TMEM132B: variants seen among roughly 807,000 people sequenced by gnomAD.
TMEM132B encodes transmembrane protein 132B.
In TMEM132B, 18 loss-of-function variants were observed where a neutral mutation model predicts 90.8. That is an observed-to-expected ratio of 0.20 (90% CI 0.14 to 0.29). TMEM132B has a LOEUF of 0.29. Among genes scored for constraint, TMEM132B ranks in the 10% least tolerant of loss-of-function variants. The probability of loss-of-function intolerance (pLI) is 1.00; values close to 1 mark genes in which losing one functional copy is unlikely to be tolerated. For synonymous variants in TMEM132B, 504 were observed against 523.3 expected (o/e 0.96, Z 0.50); for missense variants, 1,096 against 1,326.8 (o/e 0.83, Z 2.70).
intron 1 of TMEM132B, among the ~76,000 whole-genome samples, chr12:125,222,872 G>A (rs1356884573): frequency 6.6e-6 from 1 of 152,142 alleles, no homozygotes; most frequent in Non-Finnish European, 1.5e-5. Context: ...AGAACTCAAT[G>A]GTCTAGGGTA....
intron 4 of TMEM132B, among the ~76,000 whole-genome samples, chr12:125,530,729 C>T (rs1482863429): frequency 6.6e-6 from 1 of 152,210 alleles, no homozygotes; most frequent in Admixed American, 6.5e-5. Context: ...TTTGTCATCA[C>T]ATAAGCTGTG....
At chr12:125,350,459 C>T (rs1441966740) in intron 2 of TMEM132B, 116 bp downstream of exon 2, 1 of 1,260,390 alleles carries the variant, frequency 7.9e-7, no homozygotes, top group African/African-American at 1.5e-5. Flanking sequence ...ATGAATACAG[C>T]TGGTCATTAA....
chr12:125,565,177 G>A (rs566304988), intron 4 of TMEM132B, among the ~76,000 whole-genome samples: 2 of 152,320 alleles, frequency 1.3e-5, no homozygotes, highest in East Asian at 3.9e-4. Flanking sequence ...TGACCGAGCA[G>A]GATTTGCACC....
At chr12:125,298,996 G>C (rs916859465) in intron 1 of TMEM132B, among the ~76,000 whole-genome samples, 4 of 152,006 alleles carry the variant, frequency 2.6e-5, no homozygotes, top group African/African-American at 9.7e-5. Context: ...GCCTCCCAAA[G>C]TGCTGGGATT....
intron 5 of TMEM132B, among the ~76,000 whole-genome samples, chr12:125,603,966 G>A (rs905328907): frequency 1.3e-5 from 2 of 152,180 alleles, no homozygotes; most frequent in Admixed American, 6.5e-5. Context: ...GCGAGGCTGT[G>A]AAGAATTAAG....
intron 3 of TMEM132B, among the ~76,000 whole-genome samples, chr12:125,436,755 G>A (rs902420621): frequency 6.6e-6 from 1 of 152,088 alleles, no homozygotes; most frequent in Admixed American, 6.6e-5. Flanking sequence ...ACTTTGTTAC[G>A]GCAGCCCCAA....
chr12:125,496,846 C>T (rs1413640109), intron 3 of TMEM132B, among the ~76,000 whole-genome samples: 1 of 152,202 alleles, frequency 6.6e-6, no homozygotes. Flanking sequence ...TTAGTGCAGA[C>T]TTTCTTTAGG....
intron 3 of TMEM132B, among the ~76,000 whole-genome samples, chr12:125,451,827 C>G (rs1408479402): frequency 2.0e-5 from 3 of 152,078 alleles, no homozygotes; most frequent in African/African-American, 7.2e-5. Flanking sequence ...TTGCATGTGC[C>G]CAGAGGCACT....
At chr12:125,238,366 C>CAAAAAAAA (rs762032967) in intron 1 of TMEM132B, among the ~76,000 whole-genome samples, 23 of 111,554 alleles carry the variant, frequency 2.1e-4, no homozygotes, top group South Asian at 3.0e-4. Context: ...AAAAAAAAAC[C>CAAAAAAAA]AAAAAAAAAA....
At chr12:125,360,167 G>A (rs77910595) in intron 2 of TMEM132B, among the ~76,000 whole-genome samples, 1,889 of 152,278 alleles carry the variant, frequency 0.012, 44 homozygotes, top group African/African-American at 0.042. Context: ...CCTAGTTCCT[G>A]TCTTTTCCTA....
intron 1 of TMEM132B, among the ~76,000 whole-genome samples, chr12:125,284,516 T>G (rs530551406): frequency 6.6e-6 from 1 of 152,340 alleles, no homozygotes; most frequent in African/African-American, 2.4e-5. Flanking sequence ...CCCCCAGTTC[T>G]GTGCTTTTGT....
chr12:125,262,542 C>T (rs997288560), intron 1 of TMEM132B, among the ~76,000 whole-genome samples: 1 of 152,114 alleles, frequency 6.6e-6, no homozygotes, highest in African/African-American at 2.4e-5. Flanking sequence ...TTAGTTAAGG[C>T]GTGGGCTTGC....
rs1309917881 is a variant in TMEM132B at position 125,492,422 on chromosome 12, A to G, written c.1107-27017A>G. Among the ~76,000 whole-genome samples, 2 of 152,146 alleles carry G rather than the reference A, an allele frequency of 1.3e-5. No homozygotes were observed. The highest frequency in any genetic ancestry group is 2.9e-5 in the Non-Finnish European group (2 of 68,016). On this transcript the variant is annotated intron_variant, in intron 3 of 8. Transcript: ENST00000682704. The surrounding 1 kb of genome is among the most constrained non-coding windows in gnomAD (Gnocchi z 5.8). ...AATTTCCCTCTTGAAACCTGAGGGTAAGGGAAGGGGACTGCACGGCTGCTT... is the reference window on the plus strand; with the variant it reads ...AATTTCCCTCTTGAAACCTGAGGGTGAGGGAAGGGGACTGCACGGCTGCTT...
At chr12:125,244,822 T>C (rs1874171609) in intron 1 of TMEM132B, among the ~76,000 whole-genome samples, 1 of 152,018 alleles carries the variant, frequency 6.6e-6, no homozygotes, top group Non-Finnish European at 1.5e-5. Flanking sequence ...TAGGTGAGAG[T>C]GCTGGTGGCA....
At chr12:125,391,832 T>C (rs1192067406) in intron 2 of TMEM132B, among the ~76,000 whole-genome samples, 1 of 152,174 alleles carries the variant, frequency 6.6e-6, no homozygotes, top group African/African-American at 2.4e-5. Context: ...AGTGACATGA[T>C]CTCAACTCAC....
intron 3 of TMEM132B, among the ~76,000 whole-genome samples, chr12:125,425,879 A>C (rs146014093): frequency 3.6e-4 from 55 of 152,290 alleles, no homozygotes; most frequent in Middle Eastern, 3.4e-3. Context: ...TCCAAGTTTT[A>C]GCAATTATGA....
intron 4 of TMEM132B, among the ~76,000 whole-genome samples, chr12:125,538,349 A>G (rs1883866074): frequency 6.6e-6 from 1 of 152,080 alleles, no homozygotes; most frequent in Admixed American, 6.5e-5. Flanking sequence ...TAGGGTGCAG[A>G]TAACTCTGGT....
chr12:125,217,439 C>T (rs532697474), intron 1 of TMEM132B, among the ~76,000 whole-genome samples: 5 of 152,112 alleles, frequency 3.3e-5, no homozygotes, highest in African/African-American at 7.2e-5. Context: ...TATACTCCTT[C>T]GCTTAATTCT....
In TMEM132B at chr12:125,458,721, T is replaced by C. The variant is rs1308652364; in HGVS notation, c.1106+43044T>C. Among the ~76,000 whole-genome samples the C allele has an allele frequency of 6.6e-6, 1 of 152,188 alleles. No individual in the cohort carries two copies. Among genetic ancestry groups the C allele is most frequent in the Non-Finnish European group, 1.5e-5 (1 of 68,028 alleles). On this transcript the variant is annotated intron_variant, in intron 3 of 8. Coordinates refer to ENST00000682704, the MANE Select transcript of TMEM132B (RefSeq NM_001366854.1). This position sits in a 1 kb window ranked among gnomAD's most constrained non-coding sequence, Gnocchi z 4.9. ...CCAATGGAGATGTTCCCGCCTGCAC[T>C]GCTGTCACACTGGGTGGTGTTGTCA...
Sources: allele counts gnomAD v4.1 joint callset (sites outside exome capture counted in the v4.1 genomes callset), GRCh38; gene constraint gnomAD v4.1.1; non-coding constraint Gnocchi (gnomAD v3.1); transcripts MANE v1.5; gene names NCBI Gene and HGNC (gene_info 2026-07-23, HGNC 2026-07-21).